The following SEC61B variants were observed in gnomAD, a reference collection of about 807,000 sequenced individuals.
SEC61B encodes protein transport protein Sec61 subunit beta.
In SEC61B, 7 loss-of-function variants were observed where a neutral mutation model predicts 12.6. The ratio of observed to expected loss-of-function variants is 0.55; its 90% confidence interval spans 0.32 to 1.04. SEC61B has a LOEUF of 1.04. SEC61B is among the 50% of genes least tolerant of loss of function. The pLI is 0.05. For missense variants in SEC61B, 107 were observed against 130.1 expected (o/e 0.82, Z 0.86); for synonymous variants, 54 against 50.1 (o/e 1.08, Z -0.33).
chr9:99,226,319 C>T (rs1828894848), intron 2 of SEC61B, among the ~76,000 whole-genome samples: 1 of 152,182 alleles, frequency 6.6e-6, no homozygotes, highest in Non-Finnish European at 1.5e-5. Flanking sequence ...ACAGTGCTTC[C>T]TGCATTCAGA....
At position 99,222,518 on chromosome 9, in the gene SEC61B, C is replaced by T. The variant is rs199973283; in HGVS notation, c.4-28C>T. ...TCTGGGGCAGGCCTGCCGCGCTCAC[C>T]CGTCTGTCTGCTTGTCTCCCTCTAC... is the stretch of plus-strand genomic sequence containing the variant. On this transcript the variant is annotated intron_variant, in intron 1 of 3. Transcript: ENST00000223641. 7.5e-6 allele frequency: 12 copies of T among 1,602,748 alleles called. No individual in the cohort carries two copies. The East Asian group carries it at 1.6e-4, about 21-fold the overall frequency.
rs112814184 is a variant in SEC61B, at chr9:99,230,499, T to G, written c.*75T>G. On this transcript the variant is annotated 3_prime_UTR_variant, in exon 4 of 4. Coordinates refer to ENST00000223641, the MANE Select transcript of SEC61B (RefSeq NM_006808.3). Reference sequence around the variant, plus strand: ...TTTCTTGGACCAAAAGTATAGTGACTATCTGTTCATGAGAGAAATTTTCTG... The same window carrying G: ...TTTCTTGGACCAAAAGTATAGTGACGATCTGTTCATGAGAGAAATTTTCTG... The G allele has an allele frequency of 3.2e-6, 3 of 939,636 alleles. No individual in the cohort carries two copies. The highest frequency in any genetic ancestry group is 3.3e-5 in the African/African-American group (2 of 60,802). The allele number at this position is 939,636 out of a possible 1,614,324, so 58.2% of individuals were successfully genotyped here. A position where few individuals can be genotyped will look rare whatever the true frequency, so the allele number is the denominator to read the frequency against.
intron 2 of SEC61B, among the ~76,000 whole-genome samples, chr9:99,226,828 T>C (rs75668500): frequency 0.062 from 9,380 of 152,230 alleles, 335 homozygotes; most frequent in Non-Finnish European, 0.079. Context: ...GCTGCTTCTG[T>C]CTGCCAGGGC....
At position 99,230,338 on chromosome 9, in the gene SEC61B, G is replaced by A. The variant is rs1416872621; in HGVS notation, c.205G>A (p.Gly69Ser). Reference sequence around the variant, plus strand: ...CATGCTTTCTCTTCTTATTTCTAGTGGCCCTGTTCCAGTATTGGTTATGAG... The same window carrying A: ...CATGCTTTCTCTTCTTATTTCTAGTAGCCCTGTTCCAGTATTGGTTATGAG... ...YTEDSPGLKV[G>S]PVPVLVMSLL... The change falls in exon 4 of 4, where the codon GGC (glycine) becomes AGC (serine). Residue 69 changes from glycine (G) to serine (S), a missense_variant and splice_region_variant. Coordinates refer to ENST00000223641, the MANE Select transcript of SEC61B (RefSeq NM_006808.3). 1.2e-5 allele frequency: 19 copies of A among 1,587,244 alleles called. No homozygotes were observed. Among genetic ancestry groups the A allele is most frequent in the Non-Finnish European group, 1.6e-5 (19 of 1,161,532 alleles).
intron 2 of SEC61B, among the ~76,000 whole-genome samples, chr9:99,227,265 CAAAAAAAAAA>C (rs59719935): frequency 9.3e-5 from 1 of 10,738 alleles, no homozygotes; most frequent in Admixed American, 9.7e-4. Context: ...AACTCCATCT[CAAAAAAAAAA>C]AAAAAAAAAA....
At chr9:99,225,921 G>A (rs766849901) in intron 2 of SEC61B, among the ~76,000 whole-genome samples, 1 of 152,118 alleles carries the variant, frequency 6.6e-6, no homozygotes, top group Non-Finnish European at 1.5e-5. Context: ...GTTCACACTG[G>A]GTTTATCTTC....
chr9:99,230,296 T>C (rs1254875262), intron 3 of SEC61B, 41 bp from the exon 4 acceptor site: 1 of 1,311,990 alleles, frequency 7.6e-7, no homozygotes. Context: ...TAATAGTATA[T>C]TATTACTAAA....
At chr9:99,230,287 A>G (rs1588623925) in intron 3 of SEC61B, 50 bp from the exon 4 acceptor site, 1 of 1,212,772 alleles carries the variant, frequency 8.2e-7, no homozygotes, top group East Asian at 2.4e-5. Context: ...TTGCAGATCT[A>G]ATAGTATATT....
At chr9:99,227,111 C>G (rs1273581680) in intron 2 of SEC61B, among the ~76,000 whole-genome samples, 2 of 151,620 alleles carry the variant, frequency 1.3e-5, no homozygotes, top group East Asian at 3.9e-4. Context: ...ACTAAAAATA[C>G]AAAAATTAGC....
intron 1 of SEC61B, 31 bp from the exon 2 acceptor site, chr9:99,222,515 C>A: frequency 6.2e-7 from 1 of 1,602,102 alleles, no homozygotes; most frequent in Non-Finnish European, 8.5e-7. Flanking sequence ...CTGCCGCGCT[C>A]ACCCGTCTGT....
intron 3 of SEC61B, among the ~76,000 whole-genome samples, chr9:99,228,291 G>A (rs1389908556): frequency 4.6e-5 from 7 of 152,250 alleles, no homozygotes; most frequent in African/African-American, 1.7e-4. Flanking sequence ...TGCTTAATTA[G>A]ATGAAATTGC....
intron 2 of SEC61B, 45 bp downstream of exon 2, chr9:99,222,688 A>T: frequency 1.5e-6 from 2 of 1,311,398 alleles, no homozygotes; most frequent in South Asian, 2.9e-5. Flanking sequence ...CGGAGATAGG[A>T]CCCAGAACCT....
chr9:99,227,265 C>CAAA (rs59719935), intron 2 of SEC61B, among the ~76,000 whole-genome samples: 14 of 10,720 alleles, frequency 1.3e-3, no homozygotes, highest in East Asian at 3.0e-3. Flanking sequence ...AACTCCATCT[C>CAAA]AAAAAAAAAA....
chr9:99,226,918 T>A (rs1164598034), intron 2 of SEC61B, among the ~76,000 whole-genome samples: 1 of 152,114 alleles, frequency 6.6e-6, no homozygotes, highest in Non-Finnish European at 1.5e-5. Flanking sequence ...GGGTGTTCCC[T>A]GCGTTTTTTT....
At position 99,227,890 on chromosome 9, in the gene SEC61B, CTCTT is replaced by C. The variant is rs551293830; in HGVS notation, c.102-6_102-3del. On this transcript the variant is annotated splice_region_variant and splice_polypyrimidine_tract_variant and intron_variant, in intron 2 of 3. Transcript: ENST00000223641. Reference sequence around the variant, plus strand: ...AAAAGGCCATTTGTAACATTTTCCTCTCTTTCAGGAAAAATGCCAGCTGTGGGAC... The same window carrying C: ...AAAAGGCCATTTGTAACATTTTCCTCTCAGGAAAAATGCCAGCTGTGGGAC... 3 of 1,608,004 alleles carry C rather than the reference CTCTT, an allele frequency of 1.9e-6. No individual in the cohort carries two copies. Among genetic ancestry groups the C allele is most frequent in the South Asian group, 1.1e-5 (1 of 90,832 alleles).
At chr9:99,223,497 A>C (rs188189739) in intron 2 of SEC61B, among the ~76,000 whole-genome samples, 359 of 151,882 alleles carry the variant, frequency 2.4e-3, no homozygotes, top group African/African-American at 8.2e-3. Flanking sequence ...GAGTTCAAGC[A>C]ATTCTCCTGC....
rs572201993 is a variant in SEC61B at position 99,222,618 on chromosome 9, G to T, written c.76G>T (p.Ala26Ser). Residue 26 changes from alanine (A) to serine (S), a missense_variant, in exon 2 of 4, where the codon GCG (alanine) becomes TCG (serine). Ala to Ser is a moderately conservative substitution (Grantham distance 99). Coordinates refer to ENST00000223641, the MANE Select transcript of SEC61B (RefSeq NM_006808.3). ...TCCCAGCAAAGCAGTGGCCGCCCGG[G>T]CGGCGGGATCCACTGTCCGGCAGAG... Reference protein sequence around the residue: ...RSPSKAVAARAAGSTVRQRKN... With the variant: ...RSPSKAVAARSAGSTVRQRKN... 5.2e-6 allele frequency: 8 copies of T among 1,550,610 alleles called. No homozygotes were observed. Among genetic ancestry groups the T allele is most frequent in the Non-Finnish European group, 7.0e-6 (8 of 1,147,242 alleles).
intron 2 of SEC61B, 64 bp downstream of exon 2, chr9:99,222,707 C>T: frequency 1.7e-6 from 2 of 1,150,198 alleles, no homozygotes; most frequent in African/African-American, 1.6e-5. Context: ...CTCGCTGATT[C>T]TGGGGTGGAG....
At chr9:99,224,136 G>T (rs1467773533) in intron 2 of SEC61B, among the ~76,000 whole-genome samples, 2 of 152,272 alleles carry the variant, frequency 1.3e-5, no homozygotes, top group East Asian at 3.8e-4. Context: ...TCTGAAGGAT[G>T]TGAAGAGGGA....
Sources: allele counts gnomAD v4.1 joint callset (sites outside exome capture counted in the v4.1 genomes callset), GRCh38; gene constraint gnomAD v4.1.1; transcripts MANE v1.5; gene names NCBI Gene and HGNC (gene_info 2026-07-23, HGNC 2026-07-21).